The following PARP8 variants were observed in gnomAD, a reference collection of about 807,000 sequenced individuals.
PARP8 encodes the protein poly(ADP-ribose) polymerase family member 8.
PARP8 carries 51 observed loss-of-function variants against 124.1 expected under a neutral mutation model. That is an observed-to-expected ratio of 0.41 (90% confidence interval 0.33 to 0.52). The LOEUF is 0.52. Among genes scored for constraint, PARP8 ranks in the 20% least tolerant of loss-of-function variants. The pLI, the probability that PARP8 is intolerant of heterozygous loss-of-function variation, is 0.21. For missense variants in PARP8, 860 were observed against 1,018.9 expected, an observed-to-expected ratio of 0.84 and a Z score of 2.12; for synonymous variants, 391 against 361.5, an observed-to-expected ratio of 1.08 and a Z score of -0.93.
chr5:50,710,919 T>G (rs978402082), intron 2 of PARP8, among the ~76,000 whole-genome samples: 1 of 152,168 alleles, frequency 6.6e-6, no homozygotes, highest in African/African-American at 2.4e-5. Context: ...TATAACTATC[T>G]GTCAATCATT....
intron 2 of PARP8, among the ~76,000 whole-genome samples, chr5:50,740,067 G>T (rs112821311): frequency 2.6e-5 from 4 of 152,132 alleles, no homozygotes; most frequent in African/African-American, 9.6e-5. Context: ...TATATTTTTA[G>T]TAAGCATTCA....
chr5:50,677,923 T>C (rs1304572450), intron 2 of PARP8, among the ~76,000 whole-genome samples: 1 of 146,448 alleles, frequency 6.8e-6, no homozygotes, highest in Non-Finnish European at 1.5e-5. Context: ...TTTACAGAAA[T>C]TAAAAAAAAA....
At chr5:50,689,465 T>G (rs922289566) in intron 2 of PARP8, among the ~76,000 whole-genome samples, 1 of 152,188 alleles carries the variant, frequency 6.6e-6, no homozygotes, top group Non-Finnish European at 1.5e-5. Context: ...GTATGTACAT[T>G]ATCTGGAAAC....
rs754065082 is a variant in PARP8 at position 50,801,176 on chromosome 5, C to CA, written c.1575+3943_1575+3944insA. Among the ~76,000 whole-genome samples the CA allele has an allele frequency of 9.3e-4, 142 of 152,088 alleles. 1 individual carries two copies. Among genetic ancestry groups the CA allele is most frequent in the Non-Finnish European group, 1.3e-3 (90 of 68,010 alleles). On this transcript the variant is annotated intron_variant, in intron 14 of 25. Coordinates refer to ENST00000281631, the MANE Select transcript of PARP8 (RefSeq NM_024615.4). ...GTTGCCCTGGCATGATCTCGGCTCA[C>CA]TGCAACCTCTGCCTCCCGGGTTCAA...
At chr5:50,755,011 G>A (rs534231178) in intron 3 of PARP8, among the ~76,000 whole-genome samples, 8 of 152,142 alleles carry the variant, frequency 5.3e-5, no homozygotes, top group South Asian at 2.1e-4. Context: ...CATATCCTTC[G>A]CCCACTTTTT....
intron 2 of PARP8, among the ~76,000 whole-genome samples, chr5:50,738,483 A>G (rs571674136): frequency 6.6e-6 from 1 of 152,294 alleles, no homozygotes; most frequent in East Asian, 1.9e-4. Flanking sequence ...AATCAAAGCT[A>G]TATGTTTACA....
intron 2 of PARP8, among the ~76,000 whole-genome samples, chr5:50,685,875 A>G (rs868826545): frequency 2.3e-4 from 35 of 152,180 alleles, no homozygotes; most frequent in African/African-American, 7.7e-4. Context: ...CAAGAACAGC[A>G]TGGGAAAGAC....
intron 2 of PARP8, among the ~76,000 whole-genome samples, chr5:50,672,296 T>C (rs1186859069): frequency 6.6e-6 from 1 of 152,208 alleles, no homozygotes; most frequent in Non-Finnish European, 1.5e-5. Flanking sequence ...GGGAATTCTC[T>C]CCTATGCGTT....
chr5:50,686,636 A>G (rs568985684), intron 2 of PARP8, among the ~76,000 whole-genome samples: 5 of 152,298 alleles, frequency 3.3e-5, no homozygotes, highest in Admixed American at 6.5e-5. Flanking sequence ...CCCCTACAGC[A>G]TACTTTTGCC....
intron 1 of PARP8, 139 bp downstream of exon 1, chr5:50,667,325 G>A (rs1330109882): frequency 2.2e-6 from 2 of 910,514 alleles, no homozygotes; most frequent in Non-Finnish European, 3.5e-6. Context: ...GCTGCAACGA[G>A]CGCGGGAGCC....
chr5:50,802,593 A>G (rs902376390), intron 14 of PARP8, among the ~76,000 whole-genome samples: 2 of 152,210 alleles, frequency 1.3e-5, no homozygotes, highest in African/African-American at 4.8e-5. Context: ...CTGAGATTAT[A>G]GGCATGAGCC....
At chr5:50,780,689 A>G (rs753815035) in intron 9 of PARP8, among the ~76,000 whole-genome samples, 3 of 152,132 alleles carry the variant, frequency 2.0e-5, no homozygotes, top group Non-Finnish European at 4.4e-5. Flanking sequence ...ATATTTTACA[A>G]TTTGGAAACC....
chr5:50,682,136 C>A (rs1351036885), intron 2 of PARP8, among the ~76,000 whole-genome samples: 1 of 152,024 alleles, frequency 6.6e-6, no homozygotes, highest in Non-Finnish European at 1.5e-5. Context: ...TGGCAGATGG[C>A]AATACATAGA....
chr5:50,779,435 G>T (rs1740416019), intron 9 of PARP8, among the ~76,000 whole-genome samples: 1 of 152,140 alleles, frequency 6.6e-6, no homozygotes, highest in Non-Finnish European at 1.5e-5. Flanking sequence ...ACACAATGCT[G>T]GACGTTCAAA....
At chr5:50,670,778 CCTT>C (rs943323356) in intron 2 of PARP8, among the ~76,000 whole-genome samples, 2 of 152,286 alleles carry the variant, frequency 1.3e-5, no homozygotes, top group Non-Finnish European at 2.9e-5. Flanking sequence ...CCTGAGACCT[CCTT>C]CTTCTCCATT....
chr5:50,790,302 A>G (rs1023842438), intron 10 of PARP8, among the ~76,000 whole-genome samples: 1 of 152,148 alleles, frequency 6.6e-6, no homozygotes, highest in African/African-American at 2.4e-5. Flanking sequence ...TTCTAGGGTC[A>G]GGTATGCTTT....
chr5:50,707,633 G>A (rs528818053), intron 2 of PARP8, among the ~76,000 whole-genome samples: 4 of 30,000 alleles, frequency 1.3e-4, no homozygotes, highest in African/African-American at 3.3e-4. Context: ...GAGACAGAGA[G>A]AGAGAGAGAG....
chr5:50,675,658 AT>A (rs1750543478), intron 2 of PARP8, among the ~76,000 whole-genome samples: 1 of 152,242 alleles, frequency 6.6e-6, no homozygotes, highest in Non-Finnish European at 1.5e-5. Flanking sequence ...TTATCCAAGA[AT>A]TGTTGATAGA....
At chr5:50,819,878 A>G (rs1167334444) in intron 15 of PARP8, among the ~76,000 whole-genome samples, 2 of 152,150 alleles carry the variant, frequency 1.3e-5, no homozygotes, top group African/African-American at 2.4e-5. Context: ...AGGGTGGGAG[A>G]GGAAGACAAA....
Sources: allele counts gnomAD v4.1 joint callset (sites outside exome capture counted in the v4.1 genomes callset), GRCh38; gene constraint gnomAD v4.1.1; transcripts MANE v1.5; gene names NCBI Gene and HGNC (gene_info 2026-07-23, HGNC 2026-07-21).